Variants in FMN2 observed in about 807,000 individuals in gnomAD.
FMN2 encodes the protein formin 2.
In FMN2, 51 loss-of-function variants were observed where a neutral mutation model predicts 142.3. The observed-to-expected ratio is 0.36, with a 90% CI of 0.29 to 0.45. The LOEUF (loss-of-function observed/expected upper bound fraction) is 0.45. Ranked by LOEUF, FMN2 falls within the 20% of genes least tolerant of loss-of-function variation. The pLI, the probability that FMN2 is intolerant of heterozygous loss-of-function variation, is 1.00. For missense variants in FMN2, 1,936 were observed against 2,122.8 expected, an observed-to-expected ratio of 0.91 and a Z score of 1.73; for synonymous variants, 882 against 869.8, an observed-to-expected ratio of 1.01 and a Z score of -0.25.
intron 13 of FMN2, among the ~76,000 whole-genome samples, chr1:240,338,612 C>T (rs1179460902): frequency 1.3e-5 from 2 of 152,108 alleles, no homozygotes; most frequent in Admixed American, 6.6e-5. Flanking sequence ...CCTTCCGGCA[C>T]GTGGATCCTC....
At chr1:240,153,136 C>T (rs914037737) in intron 2 of FMN2, among the ~76,000 whole-genome samples, 3 of 152,050 alleles carry the variant, frequency 2.0e-5, no homozygotes, top group Non-Finnish European at 2.9e-5. Context: ...CACTGGCTGG[C>T]TCATTTGTCC....
intron 11 of FMN2, among the ~76,000 whole-genome samples, chr1:240,331,086 T>C (rs962281378): frequency 6.6e-6 from 1 of 152,078 alleles, no homozygotes; most frequent in Non-Finnish European, 1.5e-5. Flanking sequence ...CCTTTTGGAA[T>C]CTGAAGGCTA....
intron 16 of FMN2, among the ~76,000 whole-genome samples, chr1:240,468,715 G>C (rs1476359167): frequency 6.6e-6 from 1 of 152,152 alleles, no homozygotes; most frequent in African/African-American, 2.4e-5. Context: ...ACTGAATGAG[G>C]AGTGAGGCAG....
At chr1:240,098,234 TG>T (rs1661288822) in intron 1 of FMN2, among the ~76,000 whole-genome samples, 1 of 151,760 alleles carries the variant, frequency 6.6e-6, no homozygotes, top group Non-Finnish European at 1.5e-5. Context: ...CCAGAGTAGC[TG>T]GGATTATAGG....
intron 13 of FMN2, among the ~76,000 whole-genome samples, chr1:240,342,438 T>C (rs571912909): frequency 6.6e-6 from 1 of 152,358 alleles, no homozygotes; most frequent in African/African-American, 2.4e-5. Context: ...AATTTGATTC[T>C]TGTAGGAAAT....
At chr1:240,382,640 G>A (rs1245810037) in intron 14 of FMN2, among the ~76,000 whole-genome samples, 1 of 151,792 alleles carries the variant, frequency 6.6e-6, no homozygotes, top group Non-Finnish European at 1.5e-5. Flanking sequence ...CAGCCTGGGT[G>A]ACAGAGTGAG....
chr1:240,466,337 G>C (rs972204151), intron 16 of FMN2, among the ~76,000 whole-genome samples: 2 of 152,066 alleles, frequency 1.3e-5, no homozygotes, highest in East Asian at 3.8e-4. Flanking sequence ...ATGTTTGCTT[G>C]TAAGGAGTAA....
At chr1:240,107,271 C>A (rs1306822971) in intron 1 of FMN2, among the ~76,000 whole-genome samples, 2 of 151,704 alleles carry the variant, frequency 1.3e-5, no homozygotes, top group East Asian at 1.9e-4. Context: ...TGGTCGTAGC[C>A]CTGGAGAGGC....
intron 7 of FMN2, among the ~76,000 whole-genome samples, chr1:240,269,109 C>T (rs764285767): frequency 5.3e-5 from 8 of 152,000 alleles, no homozygotes; most frequent in African/African-American, 9.6e-5. Flanking sequence ...GGGTCATATC[C>T]GAGAAATAAT....
intron 1 of FMN2, among the ~76,000 whole-genome samples, chr1:240,095,656 A>C (rs1661171436): frequency 6.6e-6 from 1 of 152,044 alleles, no homozygotes; most frequent in African/African-American, 2.4e-5. Flanking sequence ...GCAAGGGGTG[A>C]GGGAAGAGGA....
chr1:240,127,911 A>G (rs1013307740), intron 2 of FMN2, among the ~76,000 whole-genome samples: 1 of 152,164 alleles, frequency 6.6e-6, no homozygotes, highest in Non-Finnish European at 1.5e-5. Flanking sequence ...AGGGGAGATG[A>G]AGACCAGTTA....
chr1:240,234,171 G>T (rs1667620032), intron 6 of FMN2, among the ~76,000 whole-genome samples: 2 of 151,962 alleles, frequency 1.3e-5, no homozygotes, highest in Admixed American at 1.3e-4. Context: ...GTTTTTCTAG[G>T]GGGACAAAGC....
chr1:240,170,983 G>A (rs1664679945), intron 2 of FMN2: 3 of 799,722 alleles, frequency 3.8e-6, no homozygotes, highest in Non-Finnish European at 6.8e-6. Context: ...TATTAGGAAT[G>A]TCAAGGTCGT....
At chr1:240,372,656 T>C (rs1301459363) in intron 14 of FMN2, among the ~76,000 whole-genome samples, 1 of 150,442 alleles carries the variant, frequency 6.6e-6, no homozygotes, top group Non-Finnish European at 1.5e-5. Context: ...TTTTTTTTTT[T>C]AAGGCTGTTT....
chr1:240,225,173 A>G (rs1192583679), intron 6 of FMN2, among the ~76,000 whole-genome samples: 4 of 152,238 alleles, frequency 2.6e-5, no homozygotes, highest in African/African-American at 9.6e-5. Context: ...TATTGCAGTC[A>G]TCTCTGGCAG....
At chr1:240,438,232 A>G (rs746147557) in intron 16 of FMN2, 22 bp downstream of exon 16, 71 of 1,602,042 alleles carry the variant, frequency 4.4e-5, no homozygotes, top group Non-Finnish European at 5.9e-5. Flanking sequence ...CATTTGCACA[A>G]TGGCATTTTA....
chr1:240,226,645 C>T (rs1231688329), intron 6 of FMN2, among the ~76,000 whole-genome samples: 1 of 152,156 alleles, frequency 6.6e-6, no homozygotes, highest in Non-Finnish European at 1.5e-5. Context: ...TTACATAGTT[C>T]TCTTAAGTGA....
chr1:240,198,370 G>T (rs2103366607), intron 4 of FMN2, among the ~76,000 whole-genome samples: 1 of 152,250 alleles, frequency 6.6e-6, no homozygotes, highest in Non-Finnish European at 1.5e-5. Context: ...ATTCTAAAGA[G>T]ATGTTAAAAG....
chr1:240,323,303 T>A (rs2103003736), intron 8 of FMN2, among the ~76,000 whole-genome samples: 1 of 152,212 alleles, frequency 6.6e-6, no homozygotes, highest in Non-Finnish European at 1.5e-5. Flanking sequence ...CAAGCATTTC[T>A]TGTGCCTCAG....
Sources: allele counts gnomAD v4.1 joint callset (sites outside exome capture counted in the v4.1 genomes callset), GRCh38; gene constraint gnomAD v4.1.1; transcripts MANE v1.5; gene names NCBI Gene and HGNC (gene_info 2026-07-23, HGNC 2026-07-21).